Variants in MSS51 observed in about 807,000 individuals in gnomAD.
The protein encoded by MSS51 is putative protein MSS51 homolog, mitochondrial.
In MSS51, 32 loss-of-function variants were observed where a neutral mutation model predicts 40.2. The observed-to-expected ratio is 0.80, with a 90% confidence interval of 0.60 to 1.07. MSS51 has a LOEUF of 1.07. Ranked by LOEUF, MSS51 falls within the 50% of genes least tolerant of loss-of-function variation. The pLI, the probability that MSS51 is intolerant of heterozygous loss-of-function variation, is 0.00. For synonymous variants in MSS51, 178 were observed against 214.2 expected (o/e 0.83, Z 1.48); for missense variants, 518 against 568.9 (o/e 0.91, Z 0.91).
At chr10:73,429,221 A>C (rs1163671454) in intron 1 of MSS51, among the ~76,000 whole-genome samples, 1 of 152,118 alleles carries the variant, frequency 6.6e-6, no homozygotes, top group African/African-American at 2.4e-5. Context: ...AAAAAAGAAA[A>C]CTGGTAACAG....
chr10:73,426,872 TG>T, intron 3 of MSS51, 141 bp from the exon 4 acceptor site: 3 of 896,720 alleles, frequency 3.3e-6, no homozygotes, highest in Admixed American at 5.2e-5. Flanking sequence ...GCACCAATTT[TG>T]GGGACTACAT....
At chr10:73,428,375 T>C in intron 1 of MSS51, 74 bp from the exon 2 acceptor site, 1 of 1,162,196 alleles carries the variant, frequency 8.6e-7, no homozygotes, top group African/African-American at 1.5e-5. Flanking sequence ...TTTCATATGC[T>C]TGACCTTTCA....
intron 1 of MSS51, among the ~76,000 whole-genome samples, chr10:73,430,431 C>T (rs974725709): frequency 6.6e-6 from 1 of 151,840 alleles, no homozygotes; most frequent in Non-Finnish European, 1.5e-5. Flanking sequence ...AAAAAACCAC[C>T]AAACAACCCA....
intron 1 of MSS51, among the ~76,000 whole-genome samples, chr10:73,432,015 C>T (rs2056032557): frequency 6.6e-6 from 1 of 152,118 alleles, no homozygotes; most frequent in Non-Finnish European, 1.5e-5. Flanking sequence ...CTCTACCCAC[C>T]TGCCTCAGGC....
chr10:73,430,694 C>T (rs74705804), intron 1 of MSS51, among the ~76,000 whole-genome samples: 7,065 of 151,744 alleles, frequency 0.047, 506 homozygotes, highest in African/African-American at 0.15. Context: ...GTGCCACCAC[C>T]ATAGAAAACA....
In MSS51 at chr10:73,426,680, G is replaced by T; in HGVS notation, c.429C>A (p.Pro143=). The T allele has an allele frequency of 2.5e-6, 4 of 1,614,140 alleles. No individual in the cohort carries two copies. The highest frequency in any genetic ancestry group is 3.4e-6 in the Non-Finnish European group (4 of 1,180,042). Residue 143 remains proline (P), a synonymous_variant, in exon 4 of 7, where the codon CCC becomes CCA. Transcript: ENST00000299432. ...GCTCTTGACAAACCCTCCTGTGTGC[G>T]GGCCAGTCTGACTTCTGGCACTCTG... ...CGPECQKSDW[P]AHRRVCQELR... is the part of the protein sequence containing the mutation.
rs368950243 is a variant in MSS51, at chr10:73,425,896, G to A, written c.984C>T (p.His328=). 1.2e-6 allele frequency: 2 copies of A among 1,614,068 alleles called. No homozygotes were observed. The highest frequency in any genetic ancestry group is 1.7e-6 in the Non-Finnish European group (2 of 1,180,044). Residue 328 remains histidine, a synonymous_variant, in exon 5 of 7, where the codon CAC becomes CAT. Coordinates refer to ENST00000299432, the MANE Select transcript of MSS51 (RefSeq NM_001024593.2). ...CCCAGAAGTCATGGTAGAGGCCCCTGTGGGCACTAAGCTGAATTGTGCCAG... is the reference window on the plus strand; with the variant it reads ...CCCAGAAGTCATGGTAGAGGCCCCTATGGGCACTAAGCTGAATTGTGCCAG... ...LEPGTIQLSA[H]RGLYHDFWEE...
At chr10:73,427,987 TGTAC>T (rs2056001917) in intron 2 of MSS51, 73 bp downstream of exon 2, 4 of 1,394,772 alleles carry the variant, frequency 2.9e-6, no homozygotes, top group Non-Finnish European at 4.0e-6. Flanking sequence ...TTCACCAAAC[TGTAC>T]TCCCTCTCCA....
chr10:73,428,233 C>T lies in MSS51; in HGVS notation c.52G>A (p.Ala18Thr), dbSNP rs755800444. The change falls in exon 2 of 7, where the codon GCT (alanine) becomes ACT (threonine). Residue 18 changes from alanine (A) to threonine (T), a missense_variant. Transcript: ENST00000299432. The stretch of plus-strand genomic sequence containing the variant: ...GTGGTTGGGGCCATGATGATGGGAG[C>T]CACTGATGAGGGAGGTTTCTTGTGC... ...RRHKKPPSSV[A>T]PIIMAPTTIV... 8 of 1,614,008 alleles carry T rather than the reference C, an allele frequency of 5.0e-6. No individual in the cohort carries two copies. Among genetic ancestry groups the T allele is most frequent in the Non-Finnish European group, 8.5e-7 (1 of 1,179,974 alleles).
intron 3 of MSS51, 60 bp downstream of exon 3, chr10:73,427,553 C>T: frequency 6.5e-7 from 1 of 1,527,454 alleles, no homozygotes; most frequent in South Asian, 1.3e-5. Flanking sequence ...CATGAGTCAT[C>T]ATGCCCGGCT....
chr10:73,429,993 T>C (rs1266370330), intron 1 of MSS51, among the ~76,000 whole-genome samples: 1 of 152,118 alleles, frequency 6.6e-6, no homozygotes, highest in Non-Finnish European at 1.5e-5. Flanking sequence ...CCTTGAAAGA[T>C]GGGAATACTT....
intron 1 of MSS51, among the ~76,000 whole-genome samples, chr10:73,433,260 T>A (rs1482015370): frequency 1.3e-5 from 2 of 151,238 alleles, no homozygotes; most frequent in Non-Finnish European, 2.9e-5. Context: ...AGATAAGGAG[T>A]GCTCATCTAA....
rs749020863 is a variant in MSS51, at chr10:73,428,169, C to T, written c.116G>A (p.Gly39Asp). 13 of 1,613,896 alleles carry T rather than the reference C, an allele frequency of 8.1e-6. No homozygotes were observed. In the Admixed American group the frequency reaches 2.0e-4, roughly 25 times the overall value. Residue 39 changes from glycine to aspartate, a missense_variant, in exon 2 of 7, where the codon GGC (glycine) becomes GAC (aspartate). Coordinates refer to ENST00000299432, the MANE Select transcript of MSS51 (RefSeq NM_001024593.2). Reference protein sequence around the residue: ...TPVPLTPSKPGPSIDTLGFFS... With the variant: ...TPVPLTPSKPDPSIDTLGFFS... ...GAAGCCAAGTGTGTCAATGCTAGGG[C>T]CAGGTTTTGAGGGGGTCAGAGGCAC...
At chr10:73,431,540 T>C (rs2056029269) in intron 1 of MSS51, among the ~76,000 whole-genome samples, 1 of 152,202 alleles carries the variant, frequency 6.6e-6, no homozygotes. Context: ...CTGAGGTGTA[T>C]GCAGGTGGCA....
At chr10:73,427,370 T>C (rs1030261093) in intron 3 of MSS51, among the ~76,000 whole-genome samples, 1 of 147,644 alleles carries the variant, frequency 6.8e-6, no homozygotes, top group Non-Finnish European at 1.5e-5. Context: ...CTCTGCCTCC[T>C]GGGTTCAAGC....
At chr10:73,425,684 A>G (rs2055978537) in intron 5 of MSS51, 127 bp downstream of exon 5, 6 of 895,004 alleles carry the variant, frequency 6.7e-6, no homozygotes, top group African/African-American at 1.7e-5. Flanking sequence ...AGAAAAAAAA[A>G]AAAAGAAAAG....
chr10:73,425,783 TCTA>T (rs1316209956), intron 5 of MSS51, 25 bp downstream of exon 5: 1 of 1,574,974 alleles, frequency 6.3e-7, no homozygotes, highest in East Asian at 2.3e-5. Context: ...GGAGCCACCC[TCTA>T]TTCCCCTGAA....
Position 73,425,814 on chromosome 10 carries a change from G to T in MSS51, c.1066C>A (p.Pro356Thr). The change falls in exon 5 of 7, where the codon CCA becomes ACA. Residue 356 changes from proline (P) to threonine (T), a missense_variant. Transcript: ENST00000299432. ...HHPDLVAAFH[P>T]GFHSSPDLME... ...CCCCTGAACCAATGACTCTTACCTG[G>T]ATGGAATGCCGCCACCAAATCTGGA... 1 of 1,611,808 alleles carries T rather than the reference G, an allele frequency of 6.2e-7. No homozygotes were observed. Among genetic ancestry groups the T allele is most frequent in the Non-Finnish European group, 8.5e-7 (1 of 1,178,634 alleles).
In MSS51 at chr10:73,425,134, C is replaced by T. The variant is rs192959143; in HGVS notation, c.1127G>A (p.Arg376His). ...AATCAATGTAGGAATCTTATAGTCA[C>T]GAAGTAGCAGCAGGGTGGGCAGCCA... ...EAWLPTLLLL[R>H]DYKIPTLITV... The change falls in exon 6 of 7, where the codon CGT (arginine) becomes CAT (histidine). Residue 376 changes from arginine to histidine, a missense_variant. Transcript: ENST00000299432. 33 of 1,610,780 alleles carry T rather than the reference C, an allele frequency of 2.0e-5. No individual in the cohort carries two copies. In the Middle Eastern group the frequency reaches 6.6e-4, roughly 32 times the overall value.
Sources: allele counts gnomAD v4.1 joint callset (sites outside exome capture counted in the v4.1 genomes callset), GRCh38; gene constraint gnomAD v4.1.1; transcripts MANE v1.5; gene names NCBI Gene and HGNC (gene_info 2026-07-23, HGNC 2026-07-21).